The following PAPPA2 variants were observed in gnomAD, a reference collection of about 807,000 sequenced individuals.
PAPPA2 encodes the protein pappalysin 2, also known as pappalysin-2.
Under a neutral mutation model 176.4 loss-of-function variants are expected in PAPPA2, and 86 were observed. The observed-to-expected ratio is 0.49, with a 90% CI of 0.41 to 0.58. PAPPA2 has a LOEUF of 0.58. Among genes scored for constraint, PAPPA2 ranks in the 20% least tolerant of loss-of-function variants. PAPPA2 has a pLI of 0.00. For missense variants in PAPPA2, 2,073 were observed against 2,256.9 expected (o/e 0.92, Z 1.65); for synonymous variants, 809 against 852.2 (o/e 0.95, Z 0.88).
intron 2 of PAPPA2, among the ~76,000 whole-genome samples, chr1:176,592,947 TG>T (rs2102647061): frequency 6.6e-6 from 1 of 152,334 alleles, no homozygotes; most frequent in South Asian, 2.1e-4. Flanking sequence ...TACAAAAGTT[TG>T]TAGAGGAGTA....
chr1:176,603,952 C>T (rs750214090), intron 3 of PAPPA2, among the ~76,000 whole-genome samples: 6 of 152,204 alleles, frequency 3.9e-5, no homozygotes, highest in Non-Finnish European at 4.4e-5. Context: ...CAGCATGACT[C>T]TGATCTATAG....
chr1:176,722,409 T>TATAC (rs1455999146), intron 12 of PAPPA2, among the ~76,000 whole-genome samples: 3 of 148,028 alleles, frequency 2.0e-5, no homozygotes, highest in Non-Finnish European at 4.4e-5. Flanking sequence ...TGTGAGCCTT[T>TATAC]ATACATTTCC....
At chr1:176,584,199 A>G (rs1416085172) in intron 2 of PAPPA2, among the ~76,000 whole-genome samples, 1 of 152,128 alleles carries the variant, frequency 6.6e-6, no homozygotes, top group Non-Finnish European at 1.5e-5. Flanking sequence ...ACCAGTTCAA[A>G]TTTTATGGGC....
intron 20 of PAPPA2, among the ~76,000 whole-genome samples, chr1:176,796,679 T>C (rs1665452652): frequency 1.3e-5 from 2 of 151,442 alleles, no homozygotes; most frequent in South Asian, 4.2e-4. Context: ...CTTTCTCTTT[T>C]TCTTTTTCTT....
intron 14 of PAPPA2, among the ~76,000 whole-genome samples, chr1:176,752,764 G>A (rs1361541422): frequency 6.6e-6 from 1 of 152,144 alleles, no homozygotes; most frequent in Non-Finnish European, 1.5e-5. Context: ...TATGAATTTG[G>A]GTAACATGCC....
chr1:176,823,377 T>G (rs1666736367), intron 21 of PAPPA2, among the ~76,000 whole-genome samples: 3 of 152,190 alleles, frequency 2.0e-5, no homozygotes, highest in Admixed American at 2.0e-4. Context: ...TGACTCAAGG[T>G]TAAAGAGGTA....
intron 12 of PAPPA2, among the ~76,000 whole-genome samples, chr1:176,718,169 T>A (rs1288693651): frequency 6.6e-6 from 1 of 152,148 alleles, no homozygotes; most frequent in Non-Finnish European, 1.5e-5. Context: ...TTTTAATAAG[T>A]TGGGTTTTTC....
At chr1:176,626,830 T>C (rs1373668354) in intron 3 of PAPPA2, among the ~76,000 whole-genome samples, 1 of 151,538 alleles carries the variant, frequency 6.6e-6, no homozygotes, top group East Asian at 1.9e-4. Context: ...GGGAAGGAAG[T>C]ACTGTATTTT....
At chr1:176,816,829 T>C (rs931219010) in intron 21 of PAPPA2, among the ~76,000 whole-genome samples, 21 of 152,150 alleles carry the variant, frequency 1.4e-4, no homozygotes, top group African/African-American at 4.8e-4. Flanking sequence ...ATAGAGAAGA[T>C]GTCTCTTACT....
intron 12 of PAPPA2, among the ~76,000 whole-genome samples, chr1:176,735,032 T>C (rs138580514): frequency 1.3e-5 from 2 of 152,244 alleles, no homozygotes; most frequent in East Asian, 1.9e-4. Flanking sequence ...AGAGCTTAAA[T>C]TGGGAAAAAC....
Position 176,557,173 on chromosome 1 carries a change from G to T in PAPPA2, c.851G>T (p.Arg284Leu). The T allele has an allele frequency of 6.2e-7, 1 of 1,613,384 alleles. No individual in the cohort carries two copies. Among genetic ancestry groups the T allele is most frequent in the Non-Finnish European group, 8.5e-7 (1 of 1,179,762 alleles). The change falls in exon 2 of 23, where the codon CGG (arginine) becomes CTG (leucine). Residue 284 changes from arginine to leucine, a missense_variant. Arg to Leu is a moderately radical substitution (Grantham distance 102). Transcript: ENST00000367662. ...CCAGAAGTGCTGGCTGAGATTCCCC[G>T]GGAGGCGTTCACAGTGGAAGCCTGG... ...LRPEVLAEIP[R>L]EAFTVEAWVK...
chr1:176,819,747 G>A (rs1426760098), intron 21 of PAPPA2, among the ~76,000 whole-genome samples: 1 of 152,186 alleles, frequency 6.6e-6, no homozygotes, highest in Non-Finnish European at 1.5e-5. Context: ...TCCTGACCAA[G>A]GAAGCAGAAT....
At chr1:176,642,386 A>T (rs1657149159) in intron 3 of PAPPA2, among the ~76,000 whole-genome samples, 1 of 151,852 alleles carries the variant, frequency 6.6e-6, no homozygotes, top group African/African-American at 2.4e-5. Flanking sequence ...AAACAAGAAG[A>T]GGCTAGGTAG....
chr1:176,582,164 T>C (rs1307597927), intron 2 of PAPPA2, among the ~76,000 whole-genome samples: 3 of 152,094 alleles, frequency 2.0e-5, no homozygotes, highest in Non-Finnish European at 4.4e-5. Flanking sequence ...CCTGACCTTG[T>C]GATCCACCCG....
At chr1:176,692,420 T>C in intron 6 of PAPPA2, 102 bp downstream of exon 6, 1 of 1,207,374 alleles carries the variant, frequency 8.3e-7, no homozygotes, top group Non-Finnish European at 1.2e-6. Flanking sequence ...AATTTGGAAG[T>C]ATAAATGTGT....
chr1:176,541,568 C>A (rs1482720971), intron 1 of PAPPA2, among the ~76,000 whole-genome samples: 1 of 152,192 alleles, frequency 6.6e-6, no homozygotes, highest in Non-Finnish European at 1.5e-5. Flanking sequence ...GATAGTGCCA[C>A]TGAATAAATT....
chr1:176,562,308 T>C (rs1266099717), intron 2 of PAPPA2, among the ~76,000 whole-genome samples: 2 of 151,984 alleles, frequency 1.3e-5, no homozygotes, highest in African/African-American at 4.8e-5. Flanking sequence ...GTACTCAAGG[T>C]GGAGGGTGTC....
At chr1:176,619,592 T>C (rs979351369) in intron 3 of PAPPA2, among the ~76,000 whole-genome samples, 2 of 152,232 alleles carry the variant, frequency 1.3e-5, no homozygotes, top group African/African-American at 4.8e-5. Context: ...CAGGTAATTT[T>C]TGAAAATAAG....
At chr1:176,831,483 A>G (rs1376428684) in intron 21 of PAPPA2, among the ~76,000 whole-genome samples, 1 of 152,210 alleles carries the variant, frequency 6.6e-6, no homozygotes, top group Non-Finnish European at 1.5e-5. Context: ...GTGCATGGAT[A>G]TCACCTGAAC....
Sources: gnomAD v4.1 joint callset for allele counts (sites outside exome capture counted in the v4.1 genomes callset) on GRCh38, gnomAD v4.1.1 for gene constraint, MANE v1.5 for transcripts, NCBI Gene and HGNC (gene_info 2026-07-23, HGNC 2026-07-21) for gene names.